The following HEY1 variants were observed in gnomAD, a reference collection of about 807,000 sequenced individuals.
HEY1 encodes hairy/enhancer-of-split related with YRPW motif protein 1.
In HEY1, 9 loss-of-function variants were observed where a neutral mutation model predicts 28.7. That is an observed-to-expected ratio of 0.31 (90% CI 0.19 to 0.55). HEY1 has a LOEUF of 0.55. Among genes scored for constraint, HEY1 ranks in the 20% least tolerant of loss-of-function variants. HEY1 has a pLI of 0.93. For synonymous variants in HEY1, 213 were observed against 175.6 expected, an observed-to-expected ratio of 1.21 and a Z score of -1.68; for missense variants, 385 against 399.4, an observed-to-expected ratio of 0.96 and a Z score of 0.31.
Position 79,765,648 on chromosome 8 carries a change from A to G in HEY1, c.455T>C (p.Val152Ala). The G allele has an allele frequency of 1.2e-6, 2 of 1,614,242 alleles. No homozygotes were observed. Among genetic ancestry groups the G allele is most frequent in the Non-Finnish European group, 1.7e-6 (2 of 1,180,038 alleles). Residue 152 changes from valine (V) to alanine (A), a missense_variant, in exon 5 of 5, where the codon GTT becomes GCT. By Grantham distance (64) the Val-to-Ala change is moderately conservative. Coordinates refer to ENST00000354724, the MANE Select transcript of HEY1 (RefSeq NM_012258.4). ...EGLDASDPLR[V>A]RLVSHLNNYA... ...GTTGTTGAGATGCGAAACCAGTCGA[A>G]CTCGAAGCGGGTCAGAGGCATCTAG... is the stretch of plus-strand genomic sequence containing the variant.
At position 79,765,713 on chromosome 8, in the gene HEY1, G is replaced by A. The variant is rs780726832; in HGVS notation, c.390C>T (p.Cys130=). The part of the protein sequence containing the change: ...MDYRSLGFRE[C]LAEVARYLSI... The stretch of plus-strand genomic sequence containing the variant: ...TCAGATAACGCGCAACTTCTGCCAG[G>A]CATTCCCGAAATCCCAAACTCCGAT... The change falls in exon 5 of 5, where the codon TGC becomes TGT. Residue 130 remains cysteine (C), a synonymous_variant. Coordinates refer to ENST00000354724, the MANE Select transcript of HEY1 (RefSeq NM_012258.4). 8 of 1,614,064 alleles carry A rather than the reference G, an allele frequency of 5.0e-6. No individual in the cohort carries two copies. Among genetic ancestry groups the A allele is most frequent in the Non-Finnish European group, 6.8e-6 (8 of 1,180,006 alleles).
chr8:79,766,825 T>C, intron 3 of HEY1, 93 bp from the exon 4 acceptor site: 3 of 1,431,680 alleles, frequency 2.1e-6, no homozygotes, highest in Non-Finnish European at 2.9e-6. Flanking sequence ...ATACATGCTT[T>C]GTAAATCGTA....
intron 3 of HEY1, 62 bp from the exon 4 acceptor site, chr8:79,766,794 T>C: frequency 6.6e-7 from 1 of 1,513,490 alleles, no homozygotes; most frequent in Non-Finnish European, 9.2e-7. Flanking sequence ...CAATTTAAAA[T>C]ATGCAAACAT....
Position 79,765,263 on chromosome 8 carries a change from G to A in HEY1, c.840C>T (p.Ser280=), listed in dbSNP as rs1807799449. The A allele has an allele frequency of 5.1e-6, 8 of 1,554,832 alleles. No individual in the cohort carries two copies. Among genetic ancestry groups the A allele is most frequent in the Non-Finnish European group, 7.0e-6 (8 of 1,148,312 alleles). ...SFHLLSPNAL[S]PSAPTQAANL... ...TTGCAGCCTGCGTGGGTGCTGAAGG[G>A]CTCAGTGCATTGGGAGACAGTAAGT... Residue 280 remains serine (S), a synonymous_variant, in exon 5 of 5, where the codon AGC becomes AGT. Transcript: ENST00000354724.
At chr8:79,766,557 A>T in intron 4 of HEY1, 94 bp downstream of exon 4, 2 of 1,573,864 alleles carry the variant, frequency 1.3e-6, no homozygotes, top group South Asian at 2.3e-5. Context: ...ACCCCCAAAG[A>T]AAAATCAGGC....
At chr8:79,767,164 TG>T (rs1807864745) in intron 2 of HEY1, 54 bp downstream of exon 2, 3 of 1,578,476 alleles carry the variant, frequency 1.9e-6, no homozygotes, top group Non-Finnish European at 2.6e-6. Flanking sequence ...AAAAAAAAGG[TG>T]GTTATTTCCG....
chr8:79,766,296 C>G (rs1277535870), intron 4 of HEY1: 3 of 1,516,514 alleles, frequency 2.0e-6, no homozygotes, highest in Non-Finnish European at 1.8e-6. Flanking sequence ...ATCCCGTATA[C>G]CAAAAATAAG....
intron 2 of HEY1, 38 bp downstream of exon 2, chr8:79,767,177 TAATC>T (rs775295388): frequency 5.5e-5 from 87 of 1,588,524 alleles, no homozygotes; most frequent in Non-Finnish European, 6.8e-5. Flanking sequence ...TTATTTCCGT[TAATC>T]AATAACAAAA....
chr8:79,766,328 C>T lies in HEY1; in HGVS notation c.331+323G>A, dbSNP rs1405449945. 3 of 1,504,470 alleles carry T rather than the reference C, an allele frequency of 2.0e-6. No individual in the cohort carries two copies. In the Admixed American group the frequency reaches 6.9e-5, roughly 35 times the overall value. The allele number at this position is 1,504,470 out of a possible 1,614,324, so 93.2% of individuals were successfully genotyped here. ...TAAGACCACATATTGTTTTTAAATGCTTTTTCTCAAAATAGCAATGGACAA... is the reference window on the plus strand; with the variant it reads ...TAAGACCACATATTGTTTTTAAATGTTTTTTCTCAAAATAGCAATGGACAA... On this transcript the variant is annotated intron_variant, in intron 4 of 4. Transcript: ENST00000354724.
chr8:79,765,540 G>C lies in HEY1; in HGVS notation c.563C>G (p.Pro188Arg). Residue 188 changes from proline to arginine, a missense_variant, in exon 5 of 5, where the codon CCG (proline) becomes CGG (arginine). By Grantham distance (103) the Pro-to-Arg change is moderately radical (BLOSUM62 -2). Coordinates refer to ENST00000354724, the MANE Select transcript of HEY1 (RefSeq NM_012258.4). ...CAGCAACAGCGGGTGCGCGATGTGC[G>C]GGTGATGTCCGAAGACGGTCCCCCA... Reference protein sequence around the residue: ...IPWGTVFGHHPHIAHPLLLPQ... With the variant: ...IPWGTVFGHHRHIAHPLLLPQ... 2 of 1,613,952 alleles carry C rather than the reference G, an allele frequency of 1.2e-6. No individual in the cohort carries two copies. The highest frequency in any genetic ancestry group is 1.7e-6 in the Non-Finnish European group (2 of 1,180,040).
At chr8:79,767,466 G>A (rs908403950) in intron 1 of HEY1, 109 bp downstream of exon 1, 3 of 1,196,012 alleles carry the variant, frequency 2.5e-6, no homozygotes, top group Admixed American at 2.4e-5. Context: ...GACGCGCGGA[G>A]GTCAGCGCAG....
Position 79,766,978 on chromosome 8 carries a change from T to C in HEY1, c.249+31A>G, listed in dbSNP as rs572924409. 3 of 1,566,356 alleles carry C rather than the reference T, an allele frequency of 1.9e-6. No homozygotes were observed. In the African/African-American group the frequency reaches 4.1e-5, roughly 21 times the overall value. On this transcript the variant is annotated intron_variant, in intron 3 of 4. Coordinates refer to ENST00000354724, the MANE Select transcript of HEY1 (RefSeq NM_012258.4). ...AAGATTCAGAAGGTGCAGATAGCTA[T>C]GCTGAGAGCTTTACCTACTTGCTCC...
rs771423454 is a variant in HEY1, at chr8:79,765,491, C to A, written c.612G>T (p.Ala204=). The A allele has an allele frequency of 6.2e-7, 1 of 1,613,480 alleles. No individual in the cohort carries two copies. Among genetic ancestry groups the A allele is most frequent in the Admixed American group, 1.7e-5 (1 of 60,002 alleles). Reference sequence around the variant, plus strand: ...GTTCCGTGGGTGAGGCCGTGGTGCCCGCGTTCCCGTGGCCGTTCTGGGGCA... The same window carrying A: ...GTTCCGTGGGTGAGGCCGTGGTGCCAGCGTTCCCGTGGCCGTTCTGGGGCA... ...LLLPQNGHGN[A]GTTASPTEPH... The change falls in exon 5 of 5, where the codon GCG becomes GCT. Residue 204 remains alanine (A), a synonymous_variant. Coordinates refer to ENST00000354724, the MANE Select transcript of HEY1 (RefSeq NM_012258.4).
At position 79,767,656 on chromosome 8, in the gene HEY1, C is replaced by T; in HGVS notation, c.8G>A (p.Arg3Gln). 6.3e-7 allele frequency: 1 copy of T among 1,598,558 alleles called. No individual in the cohort carries two copies. The highest frequency in any genetic ancestry group is 1.1e-5 in the South Asian group (1 of 88,036). MKRAHPEYSSSDS... is the reference protein window; with the variant it reads MKQAHPEYSSSDS... ...CGAGGAGCTGTACTCGGGGTGAGCTCGCTTCATGCTGGCTCCCTGGGGGTT... is the reference window on the plus strand; with the variant it reads ...CGAGGAGCTGTACTCGGGGTGAGCTTGCTTCATGCTGGCTCCCTGGGGGTT... The change falls in exon 1 of 5, where the codon CGA becomes CAA. Residue 3 changes from arginine (R) to glutamine (Q), a missense_variant. Transcript: ENST00000354724.
chr8:79,767,669 C>CT lies in HEY1; in HGVS notation c.-7dup, dbSNP rs1310580956. ...TCGGGGTGAGCTCGCTTCATGCTGG[C>CT]TCCCTGGGGGTTCCTGGGGAGGGTC... On this transcript the variant is annotated 5_prime_UTR_variant, in exon 1 of 5. Transcript: ENST00000354724. 1 of 1,589,652 alleles carries CT rather than the reference C, an allele frequency of 6.3e-7. No individual in the cohort carries two copies. The highest frequency in any genetic ancestry group is 1.7e-5 in the Admixed American group (1 of 57,492).
Position 79,767,095 on chromosome 8 carries a change from G to T in HEY1, c.166-3C>A. On this transcript the variant is annotated splice_region_variant and splice_polypyrimidine_tract_variant and intron_variant, in intron 2 of 4. Coordinates refer to ENST00000354724, the MANE Select transcript of HEY1 (RefSeq NM_012258.4). ...TCTCGTCGGCGCTTCTCAATTATCT[G>T]CAGAAGGCAAGCAAAACAAAGGAAG... 6.2e-7 allele frequency: 1 copy of T among 1,612,664 alleles called. No individual in the cohort carries two copies. Among genetic ancestry groups the T allele is most frequent in the Non-Finnish European group, 8.5e-7 (1 of 1,178,820 alleles).
In HEY1 at chr8:79,767,108, A is replaced by C. The variant is rs1807863019; in HGVS notation, c.166-16T>G. 6.2e-7 allele frequency: 1 copy of C among 1,609,284 alleles called. No homozygotes were observed. Among genetic ancestry groups the C allele is most frequent in the Non-Finnish European group, 8.5e-7 (1 of 1,175,770 alleles). ...TCTCAATTATCTGCAGAAGGCAAGCAAAACAAAGGAAGGCATTACCATTAC... is the reference window on the plus strand; with the variant it reads ...TCTCAATTATCTGCAGAAGGCAAGCCAAACAAAGGAAGGCATTACCATTAC... On this transcript the variant is annotated splice_polypyrimidine_tract_variant and intron_variant, in intron 2 of 4. Transcript: ENST00000354724.
Position 79,766,642 on chromosome 8 carries a change from G to A in HEY1, c.331+9C>T, listed in dbSNP as rs111811408. On this transcript the variant is annotated intron_variant, in intron 4 of 4. Coordinates refer to ENST00000354724, the MANE Select transcript of HEY1 (RefSeq NM_012258.4). ...CATTCAGAGCCCCCACTAGGTCTAG[G>A]AGATGTACCTTTCCCTCCTGCCGTA... 1.5e-5 allele frequency: 24 copies of A among 1,614,120 alleles called. No individual in the cohort carries two copies. The African/African-American group carries it at 2.7e-4, about 18-fold the overall frequency.
Position 79,764,560 on chromosome 8 carries a change from C to A in HEY1, c.*628G>T. ...GGTCAGATGGATTCAGGGCCACCAACAGTTTGTACATTCACCTTTCTGCTA... is the reference window on the plus strand; with the variant it reads ...GGTCAGATGGATTCAGGGCCACCAAAAGTTTGTACATTCACCTTTCTGCTA... On this transcript the variant is annotated 3_prime_UTR_variant, in exon 5 of 5. Transcript: ENST00000354724. The A allele has an allele frequency of 1.3e-5, 3 of 226,938 alleles. No individual in the cohort carries two copies. In the East Asian group the frequency reaches 1.9e-4, roughly 14 times the overall value. 14.1% of individuals were successfully genotyped at this position (226,938 alleles called of 1,614,324 possible). A position where few individuals can be genotyped will look rare whatever the true frequency, so the allele number is the denominator to read the frequency against.
Sources: gnomAD v4.1 joint callset for allele counts on GRCh38, gnomAD v4.1.1 for gene constraint, MANE v1.5 for transcripts, NCBI Gene and HGNC (gene_info 2026-07-23, HGNC 2026-07-21) for gene names.